The following CERS6 variants were observed in gnomAD, a reference collection of about 807,000 sequenced individuals.
CERS6 encodes ceramide synthase 6, also known as LAG1 homolog, ceramide synthase 6.
A neutral mutation model predicts 56.8 loss-of-function variants in CERS6; 26 were observed. The observed-to-expected ratio is 0.46, with a 90% CI of 0.34 to 0.63. CERS6 has a LOEUF of 0.63. CERS6 is among the 30% of genes least tolerant of loss of function. The pLI is 0.01. For synonymous variants in CERS6, 164 were observed against 173.3 expected, an observed-to-expected ratio of 0.95 and a Z score of 0.42; for missense variants, 415 against 467.5, an observed-to-expected ratio of 0.89 and a Z score of 1.04.
intron 3 of CERS6, among the ~76,000 whole-genome samples, chr2:168,611,836 G>A (rs963853253): frequency 1.3e-5 from 2 of 152,160 alleles, no homozygotes; most frequent in African/African-American, 4.8e-5. Context: ...TCTCATTTAC[G>A]TGACGTACTG....
intron 3 of CERS6, among the ~76,000 whole-genome samples, chr2:168,562,103 TC>T (rs1695800172): frequency 6.6e-6 from 1 of 152,226 alleles, no homozygotes; most frequent in Non-Finnish European, 1.5e-5. Context: ...TCCCTCAATT[TC>T]TTCTTTCGGG....
At chr2:168,470,641 AGTCTT>A in intron 1 of CERS6, among the ~76,000 whole-genome samples, 1 of 152,254 alleles carries the variant, frequency 6.6e-6, no homozygotes, top group South Asian at 2.1e-4. Flanking sequence ...GTGTGTGTTA[AGTCTT>A]GCTTGTTAAG....
intron 4 of CERS6, chr2:168,644,151 A>G (rs561694658): frequency 1.7e-4 from 163 of 971,128 alleles, no homozygotes; most frequent in Non-Finnish European, 1.9e-4. Flanking sequence ...CAGGCAGCAC[A>G]TGGTAAGTGC....
intron 1 of CERS6, among the ~76,000 whole-genome samples, chr2:168,490,942 A>G (rs1365544326): frequency 7.2e-5 from 11 of 152,162 alleles, no homozygotes; most frequent in South Asian, 4.1e-4. Context: ...TAAAACAGCA[A>G]TTTTCTTCTT....
intron 8 of CERS6, among the ~76,000 whole-genome samples, chr2:168,763,076 C>G (rs1684624422): frequency 6.6e-6 from 1 of 152,024 alleles, no homozygotes; most frequent in South Asian, 2.1e-4. Flanking sequence ...GGGTCTCACT[C>G]TGTTGCCTGG....
chr2:168,644,360 G>A (rs1427025867), intron 4 of CERS6: 1 of 985,014 alleles, frequency 1.0e-6, no homozygotes, highest in Non-Finnish European at 1.2e-6. Flanking sequence ...TTTGGGGATG[G>A]GGAAGAGAGG....
chr2:168,675,781 G>T (rs1446884842), intron 4 of CERS6, among the ~76,000 whole-genome samples: 1 of 151,780 alleles, frequency 6.6e-6, no homozygotes, highest in Non-Finnish European at 1.5e-5. Context: ...CCACCTCCCG[G>T]GTTCAAGCGG....
intron 8 of CERS6, among the ~76,000 whole-genome samples, chr2:168,748,455 A>T (rs1265208940): frequency 3.9e-5 from 6 of 152,146 alleles, no homozygotes; most frequent in Non-Finnish European, 8.8e-5. Context: ...TGGAAAAATA[A>T]TTTTTACTAA....
chr2:168,488,017 C>A (rs1694305873), intron 1 of CERS6, among the ~76,000 whole-genome samples: 1 of 152,098 alleles, frequency 6.6e-6, no homozygotes, highest in Non-Finnish European at 1.5e-5. Flanking sequence ...ACTGCCCTGG[C>A]CCAGTTGTAA....
chr2:168,506,598 T>C (rs1694682132), intron 1 of CERS6, among the ~76,000 whole-genome samples: 1 of 152,178 alleles, frequency 6.6e-6, no homozygotes, highest in Non-Finnish European at 1.5e-5. Context: ...TTTTTGACAA[T>C]AGATATGAGA....
rs1435614015 is a variant in CERS6, at chr2:168,456,773, C to G, written c.170+155C>G. Among the ~76,000 whole-genome samples, 1 of 152,182 alleles carries G rather than the reference C, an allele frequency of 6.6e-6. No individual in the cohort carries two copies. Among genetic ancestry groups the G allele is most frequent in the East Asian group, 1.9e-4 (1 of 5,166 alleles). ...GGGAGGGGTTGCTGACCCCCCTGCC[C>G]CGCTGGCTTTCTGGGAGCCAGAAAG... On this transcript the variant is annotated intron_variant, in intron 1 of 9. Coordinates refer to ENST00000305747, the MANE Select transcript of CERS6 (RefSeq NM_203463.3). This position sits in a 1 kb window ranked among gnomAD's most constrained non-coding sequence, Gnocchi z 4.1.
intron 4 of CERS6, among the ~76,000 whole-genome samples, chr2:168,645,166 GAGAGAGAGAGAGA>G (rs1685162626): frequency 8.1e-6 from 1 of 123,628 alleles, no homozygotes; most frequent in East Asian, 2.3e-4. Context: ...GAGAGAGAGA[GAGAGAGAGAGAGA>G]GAGAGAGAGA....
chr2:168,470,281 G>A (rs2105324063), intron 1 of CERS6, among the ~76,000 whole-genome samples: 1 of 151,808 alleles, frequency 6.6e-6, no homozygotes, highest in Admixed American at 6.6e-5. Flanking sequence ...TACCCCAGAG[G>A]CTGAGATGGG....
chr2:168,765,829 C>T, intron 9 of CERS6, 81 bp downstream of exon 9: 1 of 1,226,286 alleles, frequency 8.2e-7, no homozygotes, highest in South Asian at 1.6e-5. Flanking sequence ...TTTACTATTC[C>T]ATATTTCATC....
intron 8 of CERS6, among the ~76,000 whole-genome samples, chr2:168,720,827 A>T (rs1687346254): frequency 6.6e-6 from 1 of 152,224 alleles, no homozygotes; most frequent in Non-Finnish European, 1.5e-5. Context: ...CAATAGAAGT[A>T]TTTGGAGTGG....
rs1288491872 is a variant in CERS6, at chr2:168,547,706, G to A, written c.276+5G>A. ...GTCTTCACTGCAATTACAAAGGTAT[G>A]ATTGTCCTTTCCTGGGGTATAGATT... On this transcript the variant is annotated splice_donor_5th_base_variant and intron_variant, in intron 2 of 9. Coordinates refer to ENST00000305747, the MANE Select transcript of CERS6 (RefSeq NM_203463.3). 1 of 1,571,094 alleles carries A rather than the reference G, an allele frequency of 6.4e-7. No individual in the cohort carries two copies. Among genetic ancestry groups the A allele is most frequent in the East Asian group, 2.2e-5 (1 of 44,676 alleles).
chr2:168,714,372 A>G (rs1687174747), intron 6 of CERS6, among the ~76,000 whole-genome samples: 2 of 152,152 alleles, frequency 1.3e-5, no homozygotes, highest in Admixed American at 1.3e-4. Flanking sequence ...GAGCCATACG[A>G]TGCCCTTTTC....
At chr2:168,727,715 T>C (rs1361107907) in intron 8 of CERS6, among the ~76,000 whole-genome samples, 1 of 152,210 alleles carries the variant, frequency 6.6e-6, no homozygotes, top group Non-Finnish European at 1.5e-5. Context: ...TTTTCTGAAT[T>C]GTTGATAAGG....
intron 9 of CERS6, among the ~76,000 whole-genome samples, chr2:168,768,657 A>C (rs930429271): frequency 6.6e-6 from 1 of 151,940 alleles, no homozygotes; most frequent in Non-Finnish European, 1.5e-5. Flanking sequence ...TGTAATCCCA[A>C]CACTTCGGGA....
Sources: gnomAD v4.1 joint callset for allele counts (sites outside exome capture counted in the v4.1 genomes callset) on GRCh38, gnomAD v4.1.1 for gene constraint, Gnocchi (gnomAD v3.1) non-coding constraint, MANE v1.5 for transcripts, NCBI Gene and HGNC (gene_info 2026-07-23, HGNC 2026-07-21) for gene names.